Variants in TUBGCP2 observed in about 807,000 individuals in gnomAD.
TUBGCP2 encodes gamma-tubulin complex component 2.
TUBGCP2 carries 55 observed loss-of-function variants against 92.2 expected under a neutral mutation model. That is an observed-to-expected ratio of 0.60 (90% confidence interval 0.48 to 0.75). The LOEUF is 0.75. Among genes scored for constraint, TUBGCP2 ranks in the 30% least tolerant of loss-of-function variants. The probability of loss-of-function intolerance (pLI) is 0.00; values close to 1 mark genes in which losing one functional copy is unlikely to be tolerated. For missense variants in TUBGCP2, 1,093 were observed against 1,188.9 expected (o/e 0.92, Z 1.19); for synonymous variants, 533 against 505.2 (o/e 1.06, Z -0.74).
upstream of TUBGCP2, chr10:133,309,264 C>A (rs1445494801): frequency 1.9e-6 from 2 of 1,027,908 alleles, no homozygotes; most frequent in Non-Finnish European, 2.7e-6. Context: ...GTGGAGTGGG[C>A]GGGGCCTGAG....
intron 1 of TUBGCP2, among the ~76,000 whole-genome samples, chr10:133,305,331 A>G (rs923886245): frequency 3.9e-5 from 6 of 152,198 alleles, no homozygotes; most frequent in African/African-American, 1.4e-4. Context: ...GAAGGGCCCC[A>G]TGTCTGGTGG....
At chr10:133,298,607 C>T (rs1485300196) in intron 4 of TUBGCP2, among the ~76,000 whole-genome samples, 1 of 152,264 alleles carries the variant, frequency 6.6e-6, no homozygotes, top group Admixed American at 6.5e-5. Context: ...AGAGCCTGCC[C>T]TCCTGCGCCA....
At chr10:133,298,180 T>C (rs1308096950) in intron 4 of TUBGCP2, 69 bp from the exon 5 acceptor site, 10 of 1,512,228 alleles carry the variant, frequency 6.6e-6, no homozygotes, top group African/African-American at 1.4e-5. Flanking sequence ...ACTAAAGACA[T>C]GCATAGAAGC....
intron 5 of TUBGCP2, among the ~76,000 whole-genome samples, 166 bp from the exon 6 acceptor site, chr10:133,293,935 C>T (rs1234154259): frequency 6.6e-6 from 1 of 152,254 alleles, no homozygotes; most frequent in East Asian, 1.9e-4. Flanking sequence ...GAGCCACAGG[C>T]TGAGTTCCAA....
chr10:133,283,938 T>G lies in TUBGCP2; in HGVS notation c.2089A>C (p.Met697Leu), dbSNP rs774968552. 2.5e-6 allele frequency: 4 copies of G among 1,614,132 alleles called. No individual in the cohort carries two copies. Among genetic ancestry groups the G allele is most frequent in the South Asian group, 2.2e-5 (2 of 91,086 alleles). The change falls in exon 14 of 18, where the codon ATG (methionine) becomes CTG (leucine). Residue 697 changes from methionine to leucine, a missense_variant. Around this residue, in one of 3 missense-constraint regions of TUBGCP2, gnomAD observed 598 missense variants for 675.5 expected, o/e 0.89. Transcript: ENST00000252936. ...LNFVQNIQYYMMFEVMEPTWH... is the reference protein window; with the variant it reads ...LNFVQNIQYYLMFEVMEPTWH... Reference sequence around the variant, plus strand: ...GTCGGTTCCATCACTTCAAACATCATGTAGTATTGAATATTCTGGACGAAG... The same window carrying G: ...GTCGGTTCCATCACTTCAAACATCAGGTAGTATTGAATATTCTGGACGAAG...
chr10:133,307,723 C>G (rs965355278), intron 1 of TUBGCP2, among the ~76,000 whole-genome samples: 1 of 151,848 alleles, frequency 6.6e-6, no homozygotes, highest in African/African-American at 2.4e-5. Context: ...CCAGCCTGAG[C>G]GACAGAGAGA....
intron 6 of TUBGCP2, 108 bp downstream of exon 6, chr10:133,293,454 C>T (rs1589830415): frequency 3.0e-6 from 4 of 1,338,838 alleles, no homozygotes; most frequent in East Asian, 2.5e-5. Context: ...GTCACCAAGG[C>T]GGGCGCTCTC....
At chr10:133,281,605 A>T (rs1381684759) in intron 16 of TUBGCP2, 169 bp from the exon 17 acceptor site, 1 of 916,974 alleles carries the variant, frequency 1.1e-6, no homozygotes, top group Non-Finnish European at 1.6e-6. Flanking sequence ...ACATCAAAAA[A>T]CATTCCTGAG....
At chr10:133,312,073 C>G, upstream of TUBGCP2, 5 of 1,464,260 alleles carry the variant, frequency 3.4e-6, no homozygotes, top group Admixed American at 2.4e-5. Flanking sequence ...ATGCCAAGCA[C>G]CACTCACTTT....
rs1291770162 is a variant in TUBGCP2, at chr10:133,299,535, A to G, written c.348T>C (p.Ser116=). The G allele has an allele frequency of 1.2e-6, 2 of 1,613,854 alleles. No individual in the cohort carries two copies. Among genetic ancestry groups the G allele is most frequent in the Non-Finnish European group, 1.7e-6 (2 of 1,179,894 alleles). ...AELAAAAVGS[S]TTSINVPAAA... is the part of the protein sequence containing the mutation. Reference sequence around the variant, plus strand: ...CGGCAGGGACGTTGATGCTGGTGGTACTGCTGCCCACAGCAGCGGCTGCAA... The same window carrying G: ...CGGCAGGGACGTTGATGCTGGTGGTGCTGCTGCCCACAGCAGCGGCTGCAA... Residue 116 remains serine, a synonymous_variant, in exon 4 of 18, where the codon AGT becomes AGC. Transcript: ENST00000252936.
intron 1 of TUBGCP2, among the ~76,000 whole-genome samples, chr10:133,303,269 C>A (rs1589836945): frequency 6.6e-6 from 1 of 152,122 alleles, no homozygotes; most frequent in Middle Eastern, 3.4e-3. Flanking sequence ...AGAGGGTCCT[C>A]TGCATGGGCC....
chr10:133,284,025 G>A (rs1453665685), intron 13 of TUBGCP2, 23 bp from the exon 14 acceptor site: 1 of 1,611,654 alleles, frequency 6.2e-7, no homozygotes, highest in Admixed American at 1.7e-5. Flanking sequence ...GAGGACGGAG[G>A]ACAGCCATGG....
Position 133,293,668 on chromosome 10 carries a change from CA to C in TUBGCP2, c.717del (p.Arg241GlyfsTer33). On this transcript the variant is annotated frameshift_variant, in exon 6 of 18. Transcript: ENST00000252936. LOFTEE classifies it high-confidence loss of function. ...DGRYVSAQPL[A>X]GRQSRTFLVD... ...ACGAGGAAGGTCCGGCTCTGCCTCC[CA>C]GCCAGGGGCTGAGCACTGACGTACC... 1 of 1,599,580 alleles carries C rather than the reference CA, an allele frequency of 6.3e-7. No homozygotes were observed. Among genetic ancestry groups the C allele is most frequent in the Non-Finnish European group, 8.5e-7 (1 of 1,173,850 alleles).
chr10:133,282,258 C>T lies in TUBGCP2; in HGVS notation c.2374G>A (p.Ala792Thr), dbSNP rs373693348. ...AGCTCCTTCCGGGCCCGCTCCTCGG[C>T]CCCTGCGGGCAGCCCCAGGACGGTG... The part of the protein sequence containing the change: ...HSTVLGLPAG[A>T]EERARKELAR... Residue 792 changes from alanine (A) to threonine (T), a missense_variant, in exon 16 of 18, where the codon GCC becomes ACC. Ala to Thr is a moderately conservative substitution (Grantham distance 58, BLOSUM62 0). This residue lies in a region of TUBGCP2 where 598 missense variants were observed against 675.5 expected (regional missense o/e 0.89). Coordinates refer to ENST00000252936, the MANE Select transcript of TUBGCP2 (RefSeq NM_006659.4). 6.2e-7 allele frequency: 1 copy of T among 1,611,742 alleles called. No individual in the cohort carries two copies. The highest frequency in any genetic ancestry group is 8.5e-7 in the Non-Finnish European group (1 of 1,179,314).
chr10:133,302,839 T>C lies in TUBGCP2; in HGVS notation c.103A>G (p.Asn35Asp). ...AEVYIDLLQK[N>D]RTPYVTTTVS... Reference sequence around the variant, plus strand: ...GTGGTAGTGACGTACGGGGTCCTGTTCTTTTGAAGCAGGTCAATGTAGACC... The same window carrying C: ...GTGGTAGTGACGTACGGGGTCCTGTCCTTTTGAAGCAGGTCAATGTAGACC... Residue 35 changes from asparagine to aspartate, a missense_variant, in exon 2 of 18, where the codon AAC (asparagine) becomes GAC (aspartate). Coordinates refer to ENST00000252936, the MANE Select transcript of TUBGCP2 (RefSeq NM_006659.4). 1 of 1,613,622 alleles carries C rather than the reference T, an allele frequency of 6.2e-7. No homozygotes were observed.
At chr10:133,309,013 G>C (rs1847913159), upstream of TUBGCP2, 2 of 1,259,794 alleles carry the variant, frequency 1.6e-6, no homozygotes, top group Non-Finnish European at 2.0e-6. Flanking sequence ...GCTGCCTGTA[G>C]AGCGGGATCC....
chr10:133,297,822 G>A, intron 5 of TUBGCP2, 130 bp downstream of exon 5: 1 of 1,369,732 alleles, frequency 7.3e-7, no homozygotes. Flanking sequence ...CAGGCCCGGG[G>A]GAGGGCTGGG....
chr10:133,293,952 C>G (rs2136127584), intron 5 of TUBGCP2, among the ~76,000 whole-genome samples, 183 bp from the exon 6 acceptor site: 1 of 152,374 alleles, frequency 6.6e-6, no homozygotes, highest in East Asian at 1.9e-4. Context: ...CCAACCGCCG[C>G]AGGACGGGGC....
At chr10:133,310,166 T>C (rs767539435), upstream of TUBGCP2, 7 of 1,613,678 alleles carry the variant, frequency 4.3e-6, no homozygotes, top group African/African-American at 9.3e-5. Context: ...CATTTCAGTA[T>C]CAGTGCTTGG....
Sources: gnomAD v4.1 joint callset for allele counts (sites outside exome capture counted in the v4.1 genomes callset) on GRCh38, gnomAD v4.1.1 for gene constraint, gnomAD v4.1.1 regional missense constraint, MANE v1.5 for transcripts, NCBI Gene and HGNC (gene_info 2026-07-23, HGNC 2026-07-21) for gene names.